The following SLC8A1 variants were observed in gnomAD, a reference collection of about 807,000 sequenced individuals.
SLC8A1 encodes the protein sodium/calcium exchanger 1.
In SLC8A1, 18 loss-of-function variants were observed where a neutral mutation model predicts 68.3. The observed-to-expected ratio is 0.26, with a 90% CI of 0.18 to 0.39. The LOEUF is 0.39. SLC8A1 is among the 10% of genes least tolerant of loss of function. SLC8A1 has a pLI of 1.00. For synonymous variants in SLC8A1, 475 were observed against 415.5 expected, an observed-to-expected ratio of 1.14 and a Z score of -1.74; for missense variants, 985 against 1,156.7, an observed-to-expected ratio of 0.85 and a Z score of 2.15.
chr2:40,203,490 G>A (rs1275052465), intron 2 of SLC8A1, among the ~76,000 whole-genome samples: 2 of 151,780 alleles, frequency 1.3e-5, no homozygotes, highest in Non-Finnish European at 2.9e-5. Flanking sequence ...CCAAATCATT[G>A]GTCTGAAAAA....
intron 2 of SLC8A1, among the ~76,000 whole-genome samples, chr2:40,339,165 G>A (rs1316690763): frequency 6.6e-6 from 1 of 152,140 alleles, no homozygotes; most frequent in Non-Finnish European, 1.5e-5. Flanking sequence ...GTTTCTTTTA[G>A]TTCTTAGTAA....
rs888082178 is a variant in SLC8A1, at chr2:40,411,911, G to T, written c.1808+16562C>A. 2.6e-5 allele frequency among the ~76,000 whole-genome samples: 4 copies of T among 152,076 alleles called. No homozygotes were observed. The South Asian group carries it at 8.3e-4, about 32-fold the overall frequency. On this transcript the variant is annotated intron_variant, in intron 2 of 7. Coordinates refer to ENST00000406785, the Ensembl canonical transcript of SLC8A1. ...TTATTTTATAATCAATAACTCAACA[G>T]TCAAAATTGAATTTTTAGCATGTGT...
At chr2:40,231,887 C>T (rs968875694) in intron 2 of SLC8A1, among the ~76,000 whole-genome samples, 3 of 152,102 alleles carry the variant, frequency 2.0e-5, no homozygotes, top group Non-Finnish European at 2.9e-5. Context: ...ACACTGGAAC[C>T]AAACTTGGCT....
intron 2 of SLC8A1, among the ~76,000 whole-genome samples, chr2:40,268,390 G>T (rs193066018): frequency 1.3e-5 from 2 of 152,274 alleles, no homozygotes. Context: ...ATTGAACTAG[G>T]TAGAGTTGCC....
exon 8 of SLC8A1, chr2:40,099,076 C>G (rs907912314): frequency 2.2e-4 from 34 of 151,918 alleles, no homozygotes; most frequent in Admixed American, 5.3e-4. Flanking sequence ...TGAATCAACT[C>G]ATTAATACTA....
chr2:40,165,375 T>C (rs113143264), intron 4 of SLC8A1, among the ~76,000 whole-genome samples: 4 of 152,258 alleles, frequency 2.6e-5, no homozygotes, highest in African/African-American at 9.6e-5. Flanking sequence ...GGAAACACAA[T>C]TGAAAGTGCT....
intron 2 of SLC8A1, among the ~76,000 whole-genome samples, chr2:40,196,119 G>A (rs2052963699): frequency 1.3e-5 from 2 of 151,886 alleles, no homozygotes; most frequent in South Asian, 4.1e-4. Context: ...AAGGGTCACA[G>A]TTTGGGCTGA....
intron 2 of SLC8A1, among the ~76,000 whole-genome samples, chr2:40,282,142 C>CT (rs999275993): frequency 1.5e-4 from 23 of 151,532 alleles, no homozygotes; most frequent in African/African-American, 4.1e-4. Context: ...CTTTTTCTGA[C>CT]TTTTTTTTTC....
At chr2:40,245,891 T>G (rs1273766752) in intron 2 of SLC8A1, among the ~76,000 whole-genome samples, 5 of 152,154 alleles carry the variant, frequency 3.3e-5, no homozygotes, top group African/African-American at 1.2e-4. Flanking sequence ...CGAGACTCAT[T>G]TCATGGATGA....
rs1028359001 is a variant in SLC8A1, at chr2:40,429,219, T to C, written c.1062A>G (p.Leu354=). The change falls in exon 2 of 8, where the codon CTA becomes CTG. Residue 354 remains leucine (L), a synonymous_variant. Transcript: ENST00000406785. Reference sequence around the variant, plus strand: ...ATGCTCTACTTTTTTGCTGCTGACTTAGGACTTGGTAGTTAGCTAATTCTA... The same window carrying C: ...ATGCTCTACTTTTTTGCTGCTGACTCAGGACTTGGTAGTTAGCTAATTCTA... The C allele has an allele frequency of 1.9e-6, 3 of 1,613,732 alleles. No individual in the cohort carries two copies. The African/African-American group carries it at 4.0e-5, about 22-fold the overall frequency.
intron 2 of SLC8A1, among the ~76,000 whole-genome samples, chr2:40,378,401 G>A (rs189085992): frequency 2.6e-5 from 4 of 152,200 alleles, no homozygotes; most frequent in African/African-American, 9.6e-5. Flanking sequence ...AAACCTTGGA[G>A]TACAAGACCT....
intron 7 of SLC8A1, among the ~76,000 whole-genome samples, chr2:40,125,789 T>G (rs1222401805): frequency 6.6e-6 from 1 of 152,206 alleles, no homozygotes; most frequent in African/African-American, 2.4e-5. Context: ...GAGCTCTACC[T>G]AAGCTGCTAA....
Position 40,169,424 on chromosome 2 carries a change from G to A in SLC8A1, c.1931-4440C>T, listed in dbSNP as rs577138637. Reference sequence around the variant, plus strand: ...CTGGCCTCTTTGATTGGAGGCTAAAGTGACTGATACAGACCCAAATATCAT... The same window carrying A: ...CTGGCCTCTTTGATTGGAGGCTAAAATGACTGATACAGACCCAAATATCAT... On this transcript the variant is annotated intron_variant, in intron 4 of 7. Coordinates refer to ENST00000406785, the Ensembl canonical transcript of SLC8A1. Among the ~76,000 whole-genome samples, 3 of 152,252 alleles carry A rather than the reference G, an allele frequency of 2.0e-5. No individual in the cohort carries two copies. In the East Asian group the frequency reaches 5.8e-4, roughly 29 times the overall value.
intron 1 of SLC8A1, among the ~76,000 whole-genome samples, chr2:40,498,474 C>T (rs1705851245): frequency 6.6e-6 from 1 of 152,080 alleles, no homozygotes; most frequent in South Asian, 2.1e-4. Flanking sequence ...TAAAGTCATT[C>T]TAACTTCATA....
At chr2:40,368,431 A>G (rs995499391) in intron 2 of SLC8A1, among the ~76,000 whole-genome samples, 1 of 151,992 alleles carries the variant, frequency 6.6e-6, no homozygotes, top group Non-Finnish European at 1.5e-5. Context: ...CTGAACCCCT[A>G]AGTCTTTCAG....
chr2:40,376,158 C>T (rs1402765786), intron 2 of SLC8A1, among the ~76,000 whole-genome samples: 1 of 152,070 alleles, frequency 6.6e-6, no homozygotes, highest in Non-Finnish European at 1.5e-5. Flanking sequence ...TTAAGTTTCA[C>T]TGATTGCAAT....
At chr2:40,215,165 TTATTAA>T (rs1385794777) in intron 2 of SLC8A1, among the ~76,000 whole-genome samples, 8 of 152,144 alleles carry the variant, frequency 5.3e-5, no homozygotes, top group Non-Finnish European at 1.2e-4. Context: ...CTAATTATTA[TTATTAA>T]TATTATTATC....
At chr2:40,180,614 C>A (rs1378365467) in intron 2 of SLC8A1, among the ~76,000 whole-genome samples, 3 of 152,202 alleles carry the variant, frequency 2.0e-5, no homozygotes, top group Admixed American at 2.0e-4. Flanking sequence ...CATCCATTAT[C>A]AAGATGCTTC....
At chr2:40,249,296 A>T (rs2062367194) in intron 2 of SLC8A1, among the ~76,000 whole-genome samples, 1 of 152,176 alleles carries the variant, frequency 6.6e-6, no homozygotes, top group African/African-American at 2.4e-5. Flanking sequence ...TCCGTTTTTG[A>T]GGTATATACT....
Sources: allele counts gnomAD v4.1 joint callset (sites outside exome capture counted in the v4.1 genomes callset), GRCh38; gene constraint gnomAD v4.1.1; transcripts MANE v1.5; gene names NCBI Gene and HGNC (gene_info 2026-07-23, HGNC 2026-07-21).